TRIP11: variants seen among roughly 807,000 people sequenced by gnomAD.
The protein encoded by TRIP11 is thyroid hormone receptor interactor 11.
A neutral mutation model predicts 223.1 loss-of-function variants in TRIP11; 148 were observed. That is an observed-to-expected ratio of 0.66 (90% confidence interval 0.58 to 0.76). TRIP11 has a LOEUF of 0.76. TRIP11 is among the 30% of genes least tolerant of loss of function. TRIP11 has a pLI of 0.00. For synonymous variants in TRIP11, 762 were observed against 772.6 expected (o/e 0.99, Z 0.23); for missense variants, 2,043 against 2,222.0 (o/e 0.92, Z 1.62).
At chr14:91,981,412 C>T (rs1391506539) in intron 16 of TRIP11, among the ~76,000 whole-genome samples, 1 of 152,012 alleles carries the variant, frequency 6.6e-6, no homozygotes, top group Non-Finnish European at 1.5e-5. Flanking sequence ...TTTTTTTAGA[C>T]AGAGTCTCGC....
chr14:91,980,694 T>C (rs1350943481), intron 16 of TRIP11, among the ~76,000 whole-genome samples: 1 of 151,994 alleles, frequency 6.6e-6, no homozygotes. Context: ...CCCCCTCCAT[T>C]TTGCATGTTT....
At chr14:91,999,909 C>A in intron 12 of TRIP11, 59 bp downstream of exon 12, 2 of 1,602,012 alleles carry the variant, frequency 1.2e-6, no homozygotes, top group African/African-American at 1.3e-5. Flanking sequence ...CTTTCCAGTT[C>A]TCTTAATAGT....
At chr14:91,970,107 T>G (rs1413791592) in intron 20 of TRIP11, among the ~76,000 whole-genome samples, 8 of 152,168 alleles carry the variant, frequency 5.3e-5, no homozygotes, top group African/African-American at 1.9e-4. Context: ...GACTGGTCTT[T>G]ATTCAAAATG....
chr14:92,003,874 C>T lies in TRIP11; in HGVS notation c.4102G>A (p.Glu1368Lys). The T allele has an allele frequency of 5.0e-6, 8 of 1,614,032 alleles. No individual in the cohort carries two copies. The highest frequency in any genetic ancestry group is 6.8e-6 in the Non-Finnish European group (8 of 1,180,044). Residue 1368 changes from glutamate to lysine, a missense_variant, in exon 11 of 21, where the codon GAA becomes AAA. Coordinates refer to ENST00000267622, the MANE Select transcript of TRIP11 (RefSeq NM_004239.4). ...EKDATIRTLQ[E>K]NNHRLSDSIA... ...GAATCAGACAATCTGTGGTTATTTT[C>T]CTGGAGAGTTCTAATTGTTGCATCT...
chr14:92,021,184 G>A (rs1412781456), intron 4 of TRIP11, among the ~76,000 whole-genome samples: 1 of 151,812 alleles, frequency 6.6e-6, no homozygotes, highest in Non-Finnish European at 1.5e-5. Context: ...CCTAAGGTCA[G>A]GAGTTCGAGA....
Position 92,039,690 on chromosome 14 carries a change from G to A in TRIP11, c.-5C>T, listed in dbSNP as rs751964604. 1.2e-6 allele frequency: 2 copies of A among 1,611,200 alleles called. No homozygotes were observed. Among genetic ancestry groups the A allele is most frequent in the South Asian group, 1.1e-5 (1 of 90,438 alleles). On this transcript the variant is annotated 5_prime_UTR_variant, in exon 1 of 21. Coordinates refer to ENST00000267622, the MANE Select transcript of TRIP11 (RefSeq NM_004239.4). ...GCCCCCAAGCCAGGACGACATCGCG[G>A]CGAGTTTAGAGAACGACCCGGTCCG... is the stretch of plus-strand genomic sequence containing the variant.
At chr14:91,997,625 C>T (rs559631795) in intron 13 of TRIP11, among the ~76,000 whole-genome samples, 1 of 151,896 alleles carries the variant, frequency 6.6e-6, no homozygotes, top group African/African-American at 2.4e-5. Context: ...CAGGTTCACC[C>T]TTCAGGCAGA....
chr14:92,039,825 G>A lies in TRIP11; in HGVS notation c.-140C>T, dbSNP rs1488670709. On this transcript the variant is annotated 5_prime_UTR_variant, in exon 1 of 21. Coordinates refer to ENST00000267622, the MANE Select transcript of TRIP11 (RefSeq NM_004239.4). ...AACACAAAGCTGGGTTCTCAGGCAA[G>A]GCCGACTCCAGGTTCTGCCTAGAAA... 6.5e-7 allele frequency: 1 copy of A among 1,528,962 alleles called. No homozygotes were observed. Among genetic ancestry groups the A allele is most frequent in the African/African-American group, 1.4e-5 (1 of 72,456 alleles). 94.7% of individuals were successfully genotyped at this position (1,528,962 alleles called of 1,614,324 possible).
At chr14:92,036,810 C>T (rs2057330163) in intron 1 of TRIP11, among the ~76,000 whole-genome samples, 1 of 152,148 alleles carries the variant, frequency 6.6e-6, no homozygotes, top group Non-Finnish European at 1.5e-5. Context: ...TCGCAGCTCA[C>T]TGGAGCCTTT....
At chr14:91,994,886 A>T (rs2056728794) in intron 14 of TRIP11, among the ~76,000 whole-genome samples, 1 of 152,250 alleles carries the variant, frequency 6.6e-6, no homozygotes, top group South Asian at 2.1e-4. Flanking sequence ...ACCTCAAAGC[A>T]TAGATGAATA....
At position 91,974,734 on chromosome 14, in the gene TRIP11, C is replaced by T; in HGVS notation, c.5467G>A (p.Asp1823Asn). The stretch of plus-strand genomic sequence containing the variant: ...CACCTGGTAACACCGCCCTGATCGT[C>T]ATGAAACAACTGAAAGATTATTTTA... ...RREEMEQLFHDDQGGVTRWMT... is the reference protein window; with the variant it reads ...RREEMEQLFHNDQGGVTRWMT... The change falls in exon 19 of 21, where the codon GAC becomes AAC. Residue 1823 changes from aspartate (D) to asparagine (N), a missense_variant. Asp to Asn is a conservative substitution (Grantham distance 23). Coordinates refer to ENST00000267622, the MANE Select transcript of TRIP11 (RefSeq NM_004239.4). 6.2e-7 allele frequency: 1 copy of T among 1,609,206 alleles called. No homozygotes were observed. The highest frequency in any genetic ancestry group is 8.5e-7 in the Non-Finnish European group (1 of 1,177,242).
At chr14:91,981,006 ATATATATTTTTTTT>A (rs1258500834) in intron 16 of TRIP11, among the ~76,000 whole-genome samples, 8 of 66,124 alleles carry the variant, frequency 1.2e-4, no homozygotes, top group African/African-American at 5.7e-4. Context: ...ATATATATAT[ATATATATTTTTTTT>A]TTTTTTTTTT....
intron 13 of TRIP11, 146 bp from the exon 14 acceptor site, chr14:91,995,661 G>C: frequency 1.3e-6 from 1 of 788,254 alleles, no homozygotes; most frequent in East Asian, 3.5e-5. Flanking sequence ...TGTCACCCAG[G>C]CTGGAGTGCA....
intron 16 of TRIP11, among the ~76,000 whole-genome samples, chr14:91,976,522 A>G (rs1267743027): frequency 1.3e-5 from 2 of 152,242 alleles, no homozygotes; most frequent in Non-Finnish European, 2.9e-5. Flanking sequence ...TCCTTGCATG[A>G]AACATTTCCA....
rs2140097408 is a variant in TRIP11, at chr14:91,988,323, C to T, written c.5221G>A (p.Asp1741Asn). 3.1e-6 allele frequency: 5 copies of T among 1,613,620 alleles called. No homozygotes were observed. The highest frequency in any genetic ancestry group is 4.2e-6 in the Non-Finnish European group (5 of 1,179,886). ...TCTTCAATTTGTTCTTCTTTTACAT[C>T]TAACTGTTCTGTAAGTCTTGATGCT... ...DSASRLTEQL[D>N]VKEEQIEELK... The change falls in exon 16 of 21, where the codon GAT (aspartate) becomes AAT (asparagine). Residue 1741 changes from aspartate (D) to asparagine (N), a missense_variant. Asp to Asn is a conservative substitution (Grantham distance 23). Transcript: ENST00000267622.
chr14:91,993,981 T>C, intron 14 of TRIP11, 69 bp from the exon 15 acceptor site: 1 of 1,184,554 alleles, frequency 8.4e-7, no homozygotes, highest in Non-Finnish European at 1.2e-6. Context: ...TAAGCCATTT[T>C]AAATTTTAAT....
chr14:91,981,994 C>T (rs918786488), intron 16 of TRIP11, among the ~76,000 whole-genome samples: 6 of 151,190 alleles, frequency 4.0e-5, no homozygotes, highest in Non-Finnish European at 8.8e-5. Context: ...TAAAAATAAA[C>T]TTCTACTTCT....
chr14:92,022,521 C>G (rs1405590810), intron 3 of TRIP11, among the ~76,000 whole-genome samples: 2 of 152,140 alleles, frequency 1.3e-5, no homozygotes. Flanking sequence ...TTCTGAAGTT[C>G]TGAAATTACC....
At position 92,000,126 on chromosome 14, in the gene TRIP11, T is replaced by C. The variant is rs201561387; in HGVS notation, c.4558-18A>G. 2 of 1,613,328 alleles carry C rather than the reference T, an allele frequency of 1.2e-6. No individual in the cohort carries two copies. The highest frequency in any genetic ancestry group is 1.7e-6 in the Non-Finnish European group (2 of 1,179,852). ...GTCTTGCCCTTTTGGAAAGAAAAAATTTTAGCTTTAAAAAACACACACACA... is the reference window on the plus strand; with the variant it reads ...GTCTTGCCCTTTTGGAAAGAAAAAACTTTAGCTTTAAAAAACACACACACA... On this transcript the variant is annotated intron_variant, in intron 11 of 20. Transcript: ENST00000267622.
Sources: allele counts gnomAD v4.1 joint callset (sites outside exome capture counted in the v4.1 genomes callset), GRCh38; gene constraint gnomAD v4.1.1; transcripts MANE v1.5; gene names NCBI Gene and HGNC (gene_info 2026-07-23, HGNC 2026-07-21).